SGCD: variants seen among roughly 807,000 people sequenced by gnomAD.
SGCD encodes the protein sarcoglycan delta.
Under a neutral mutation model 36.6 loss-of-function variants are expected in SGCD, and 18 were observed. That is an observed-to-expected ratio of 0.49 (90% CI 0.34 to 0.73). The LOEUF (loss-of-function observed/expected upper bound fraction) is 0.73, where lower values mean the gene tolerates loss of function less well. Among genes scored for constraint, SGCD ranks in the 30% least tolerant of loss-of-function variants. The pLI, the probability that SGCD is intolerant of heterozygous loss-of-function variation, is 0.01. For missense variants in SGCD, 387 were observed against 346.7 expected (o/e 1.12, Z -0.92); for synonymous variants, 133 against 130.6 (o/e 1.02, Z -0.12).
intron 3 of SGCD, among the ~76,000 whole-genome samples, chr5:156,505,375 G>C (rs760634381): frequency 7.9e-5 from 12 of 152,204 alleles, no homozygotes; most frequent in South Asian, 2.1e-4. Flanking sequence ...AGGCTGAAGT[G>C]CATTTATGAA....
At chr5:156,329,435 A>G in intron 1 of SGCD, 99 bp from the exon 2 acceptor site, 1 of 846,564 alleles carries the variant, frequency 1.2e-6, no homozygotes, top group Non-Finnish European at 2.0e-6. Context: ...CAGAAAGCAC[A>G]TTTTGTAAGA....
At chr5:155,787,064 G>A in the SGCD span, among the ~76,000 whole-genome samples, 18 of 152,330 alleles carry the variant, frequency 1.2e-4, no homozygotes, top group African/African-American at 4.3e-4. Context: ...GCTTGCATTG[G>A]TTTATGCAGA....
chr5:155,836,257 C>G, the SGCD span, among the ~76,000 whole-genome samples: 2 of 152,134 alleles, frequency 1.3e-5, no homozygotes, highest in Non-Finnish European at 2.9e-5. Flanking sequence ...CCACCCTGTT[C>G]CAGATGTGGA....
At chr5:155,739,441 A>T in the SGCD span, among the ~76,000 whole-genome samples, 52 of 152,354 alleles carry the variant, frequency 3.4e-4, no homozygotes, top group South Asian at 1.2e-3. Context: ...TTGATTCCTA[A>T]GAGAGCTGCT....
chr5:156,094,729 A>G (rs1761334686), intron 1 of SGCD, among the ~76,000 whole-genome samples: 1 of 152,186 alleles, frequency 6.6e-6, no homozygotes, highest in South Asian at 2.1e-4. Context: ...TTGGCTGGGC[A>G]TGGTGACTTA....
At chr5:156,313,830 G>A (rs543334368) in intron 3 of SGCD, among the ~76,000 whole-genome samples, 112 of 152,000 alleles carry the variant, frequency 7.4e-4, no homozygotes, top group Admixed American at 1.6e-3. Flanking sequence ...TTTAGATTTC[G>A]CTACTAATGT....
chr5:156,098,108 AAAG>A (rs1333202927), intron 1 of SGCD, among the ~76,000 whole-genome samples: 1 of 152,212 alleles, frequency 6.6e-6, no homozygotes, highest in African/African-American at 2.4e-5. Flanking sequence ...GTTTCTAGGC[AAAG>A]AAGAAGTATT....
chr5:155,972,216 C>T (rs1194361007), intron 1 of SGCD, among the ~76,000 whole-genome samples: 1 of 152,160 alleles, frequency 6.6e-6, no homozygotes, highest in Non-Finnish European at 1.5e-5. Context: ...TCAAACAGTA[C>T]AGAGAAATGT....
chr5:156,508,527 G>A (rs941581757), intron 3 of SGCD, 74 bp from the exon 4 acceptor site: 6 of 830,402 alleles, frequency 7.2e-6, no homozygotes, highest in African/African-American at 6.9e-5. Flanking sequence ...CTATAACTAC[G>A]TTTTTTACAG....
intron 4 of SGCD, among the ~76,000 whole-genome samples, chr5:156,548,865 G>C (rs1177914692): frequency 1.3e-5 from 2 of 152,160 alleles, no homozygotes; most frequent in African/African-American, 4.8e-5. Context: ...TGCGGGAAGA[G>C]ATGACTGCAC....
intron 1 of SGCD, among the ~76,000 whole-genome samples, chr5:156,019,058 A>G (rs1469280766): frequency 6.6e-6 from 1 of 152,230 alleles, no homozygotes; most frequent in African/African-American, 2.4e-5. Flanking sequence ...TTAACTATAT[A>G]TTAATCTATC....
intron 7 of SGCD, among the ~76,000 whole-genome samples, chr5:156,728,905 C>T (rs144300805): frequency 6.6e-6 from 1 of 152,040 alleles, no homozygotes; most frequent in African/African-American, 2.4e-5. Flanking sequence ...GAGGATTAAT[C>T]GTTAAATGTG....
intron 5 of SGCD, among the ~76,000 whole-genome samples, chr5:156,591,350 C>T (rs1760716158): frequency 2.6e-5 from 4 of 152,178 alleles, no homozygotes. Context: ...TCACAGGAAA[C>T]AATACTTCAC....
At chr5:156,053,893 C>A (rs1227521675) in intron 1 of SGCD, among the ~76,000 whole-genome samples, 1 of 145,990 alleles carries the variant, frequency 6.8e-6, no homozygotes, top group Non-Finnish European at 1.5e-5. Flanking sequence ...AGCTTTGTCC[C>A]CACATGGTGG....
chr5:156,641,118 T>C (rs10214374), intron 6 of SGCD, among the ~76,000 whole-genome samples: 9,476 of 152,230 alleles, frequency 0.062, 359 homozygotes, highest in East Asian at 0.081. Context: ...GCCTATTACT[T>C]TTAGGAGAAG....
rs1484271291 is a variant in SGCD at position 156,739,059 on chromosome 5, A to G, written c.576-18522A>G. On this transcript the variant is annotated intron_variant, in intron 7 of 8. Transcript: ENST00000337851. ...TAGAAGTAAGAATAAGGTATTTAAG[A>G]TATATTAAGAGGGGGAAACATCTAA... is the stretch of plus-strand genomic sequence containing the variant. Among the ~76,000 whole-genome samples the G allele has an allele frequency of 1.3e-5, 2 of 152,208 alleles. 1 individual carries two copies. Among genetic ancestry groups the G allele is most frequent in the Admixed American group, 1.3e-4 (2 of 15,282 alleles).
intron 3 of SGCD, among the ~76,000 whole-genome samples, chr5:156,132,631 G>A (rs1315143392): frequency 6.6e-6 from 1 of 151,152 alleles, no homozygotes; most frequent in Non-Finnish European, 1.5e-5. Context: ...ACCACGCCCG[G>A]CTAATTTTTT....
the SGCD span, among the ~76,000 whole-genome samples, chr5:155,854,926 C>A: frequency 1.3e-5 from 2 of 152,130 alleles, no homozygotes; most frequent in Admixed American, 6.6e-5. Flanking sequence ...AATAAAGAAG[C>A]TTTAAAAAAG....
intron 3 of SGCD, among the ~76,000 whole-genome samples, chr5:156,465,100 A>G (rs187684667): frequency 1.3e-5 from 2 of 152,188 alleles, no homozygotes; most frequent in Admixed American, 1.3e-4. Flanking sequence ...GGCGTGTATG[A>G]TTACCAGAGG....
Sources: allele counts gnomAD v4.1 joint callset (sites outside exome capture counted in the v4.1 genomes callset), GRCh38; gene constraint gnomAD v4.1.1; transcripts MANE v1.5; gene names NCBI Gene and HGNC (gene_info 2026-07-23, HGNC 2026-07-21).